NOTCH4: variants seen among roughly 807,000 people sequenced by gnomAD.
NOTCH4 encodes the protein notch receptor 4.
Under a neutral mutation model 189.0 loss-of-function variants are expected in NOTCH4, and 138 were observed. The ratio of observed to expected loss-of-function variants is 0.73; its 90% CI spans 0.64 to 0.84. The LOEUF is 0.84. Ranked by LOEUF, NOTCH4 falls within the 40% of genes least tolerant of loss-of-function variation. NOTCH4 has a pLI of 0.00. For missense variants in NOTCH4, 2,286 were observed against 2,605.4 expected (o/e 0.88, Z 2.67); for synonymous variants, 942 against 1,032.8 (o/e 0.91, Z 1.69).
Position 32,220,467 on chromosome 6 carries a change from G to C in NOTCH4, c.1097C>G (p.Pro366Arg), listed in dbSNP as rs996553122. ...CACCCGGTCAATGCAGGTGGATCCC[G>C]GGGCACAGGTGGCAGCAATACAGTC... ...LDDCIAATCA[P>R]GSTCIDRVGS... is the part of the protein sequence containing the mutation. The change falls in exon 6 of 30, where the codon CCG becomes CGG. Residue 366 changes from proline to arginine, a missense_variant. This residue lies in a region of NOTCH4 where 1,903 missense variants were observed against 2,261.9 expected (regional missense o/e 0.84). Transcript: ENST00000375023. 10 of 1,613,858 alleles carry C rather than the reference G, an allele frequency of 6.2e-6. No homozygotes were observed. Among genetic ancestry groups the C allele is most frequent in the Non-Finnish European group, 8.5e-6 (10 of 1,180,014 alleles).
Position 32,201,487 on chromosome 6 carries a change from G to C in NOTCH4, c.3769C>G (p.Gln1257Glu). 6.7e-7 allele frequency: 1 copy of C among 1,500,334 alleles called. No individual in the cohort carries two copies. 92.9% of individuals were successfully genotyped at this position (1,500,334 alleles called of 1,614,324 possible). Residue 1257 changes from glutamine to glutamate, a missense_variant, in exon 22 of 30, where the codon CAG becomes GAG. Transcript: ENST00000375023. The surrounding 1 kb of genome is among the most constrained non-coding windows in gnomAD (Gnocchi z 5.5). ...TTGTGGAAGTGATCATGGCAGTACT[G>C]GTCATAGGCTGGACTGTGGGGTAAG... ...TPPACTPAYDQYCHDHFHNGH... is the reference protein window; with the variant it reads ...TPPACTPAYDEYCHDHFHNGH...
chr6:32,218,127 T>A lies in NOTCH4; in HGVS notation c.1511-19A>T. 6.6e-7 allele frequency: 1 copy of A among 1,516,138 alleles called. No individual in the cohort carries two copies. The highest frequency in any genetic ancestry group is 1.8e-5 in the Admixed American group (1 of 56,678). The allele number at this position is 1,516,138 out of a possible 1,614,324, so 93.9% of individuals were successfully genotyped here. On this transcript the variant is annotated intron_variant, in intron 8 of 29. Transcript: ENST00000375023. ...TCTAAGCCTGGGGACATGGGGACCATGAGGGCTGTGGCTCAGCCAGGTCTG... is the reference window on the plus strand; with the variant it reads ...TCTAAGCCTGGGGACATGGGGACCAAGAGGGCTGTGGCTCAGCCAGGTCTG...
At chr6:32,205,732 A>G (rs1485482566) in intron 18 of NOTCH4, among the ~76,000 whole-genome samples, 1 of 151,626 alleles carries the variant, frequency 6.6e-6, no homozygotes, top group African/African-American at 2.4e-5. Context: ...CCTTCTATCA[A>G]AAGTTGTGGT....
At position 32,195,725 on chromosome 6, in the gene NOTCH4, GCCT is replaced by G. The variant is rs1787835220; in HGVS notation, c.5721_5723del (p.Gly1908del). ...AAAACCTACGGCCGCGAGGGGTCGG[GCCT>G]CCTCCTGCTCCTACTCCCGAGAGGC... On this transcript the variant is annotated inframe_deletion, in exon 30 of 30. Coordinates refer to ENST00000375023, the MANE Select transcript of NOTCH4 (RefSeq NM_004557.4). This position sits in a 1 kb window ranked among gnomAD's most constrained non-coding sequence, Gnocchi z 5.4. 2 of 1,612,556 alleles carry G rather than the reference GCCT, an allele frequency of 1.2e-6. No homozygotes were observed. Among genetic ancestry groups the G allele is most frequent in the East Asian group, 2.2e-5 (1 of 44,888 alleles).
Position 32,210,657 on chromosome 6 carries a change from G to T in NOTCH4, c.2865+95C>A. On this transcript the variant is annotated intron_variant, in intron 18 of 29. Coordinates refer to ENST00000375023, the MANE Select transcript of NOTCH4 (RefSeq NM_004557.4). This position sits in a 1 kb window ranked among gnomAD's most constrained non-coding sequence, Gnocchi z 4.8. The stretch of plus-strand genomic sequence containing the variant: ...GGGGTTAAAAAAAATAAAAGGAGGT[G>T]AAATGGATACATTGGGTCTTCCCTC... 8.1e-7 allele frequency: 1 copy of T among 1,233,360 alleles called. No homozygotes were observed. Among genetic ancestry groups the T allele is most frequent in the Non-Finnish European group, 1.2e-6 (1 of 851,730 alleles). 76.4% of individuals were successfully genotyped at this position (1,233,360 alleles called of 1,614,324 possible). A position where few individuals can be genotyped will look rare whatever the true frequency, so the allele number is the denominator to read the frequency against.
Position 32,200,600 on chromosome 6 carries a change from G to A in NOTCH4, c.4315+231C>T, listed in dbSNP as rs998382211. ...GAAGATAAACCATCCCTTTGTTGGA[G>A]GGCTATGACAGAGGTTAGGATAATG... On this transcript the variant is annotated intron_variant, in intron 23 of 29. Transcript: ENST00000375023. This position sits in a 1 kb window ranked among gnomAD's most constrained non-coding sequence, Gnocchi z 5.0. 3.9e-4 allele frequency among the ~76,000 whole-genome samples: 59 copies of A among 152,204 alleles called. No individual in the cohort carries two copies. The highest frequency in any genetic ancestry group is 1.4e-3 in the African/African-American group (57 of 41,448).
In NOTCH4 at chr6:32,224,009, C is replaced by T. The variant is rs1019778214; in HGVS notation, c.-81G>A. ...AGAGCTCTCACTGGGGCAGGAGCCA[C>T]CTCCTCTGCTCCCACTGCCCCTCTT... is the stretch of plus-strand genomic sequence containing the variant. On this transcript the variant is annotated 5_prime_UTR_variant, in exon 1 of 30. In the 5' UTR this introduces an upstream ATG that the reference lacks. Transcript: ENST00000375023. 5 of 1,395,996 alleles carry T rather than the reference C, an allele frequency of 3.6e-6. No individual in the cohort carries two copies. The African/African-American group carries it at 5.8e-5, about 16-fold the overall frequency. 86.5% of individuals were successfully genotyped at this position (1,395,996 alleles called of 1,614,324 possible). A position where few individuals can be genotyped will look rare whatever the true frequency, so the allele number is the denominator to read the frequency against.
In NOTCH4 at chr6:32,201,692, C is replaced by T; in HGVS notation, c.3756-192G>A. 1 of 471,382 alleles carries T rather than the reference C, an allele frequency of 2.1e-6. No individual in the cohort carries two copies. The highest frequency in any genetic ancestry group is 3.6e-6 in the Non-Finnish European group (1 of 278,908). The allele number at this position is 471,382 out of a possible 1,614,324, so 29.2% of individuals were successfully genotyped here. A position where few individuals can be genotyped will look rare whatever the true frequency, so the allele number is the denominator to read the frequency against. ...CCAATGTCTGCTAACACCCCTGTCT[C>T]CCTAGACTGTCCCCTCTCTGTACCC... On this transcript the variant is annotated intron_variant, in intron 21 of 29. Coordinates refer to ENST00000375023, the MANE Select transcript of NOTCH4 (RefSeq NM_004557.4). The surrounding 1 kb of genome is among the most constrained non-coding windows in gnomAD (Gnocchi z 5.5).
At position 32,196,135 on chromosome 6, in the gene NOTCH4, A is replaced by G; in HGVS notation, c.5314T>C (p.Phe1772Leu). 6.3e-7 allele frequency: 1 copy of G among 1,590,442 alleles called. No individual in the cohort carries two copies. The highest frequency in any genetic ancestry group is 8.5e-7 in the Non-Finnish European group (1 of 1,175,026). The change falls in exon 30 of 30, where the codon TTC (phenylalanine) becomes CTC (leucine). Residue 1772 changes from phenylalanine to leucine, a missense_variant. Physicochemically the swap from Phe to Leu is conservative, Grantham distance 22. Transcript: ENST00000375023. ...ACCGCTCCTTCCCGCGCCGCCAGGA[A>G]TAGCGGCGTCTGCTCCTGTACAGAA... Reference protein sequence around the residue: ...AQDNREQTPLFLAAREGAVEV... With the variant: ...AQDNREQTPLLLAAREGAVEV...
At chr6:32,216,701 C>T (rs1393368655) in intron 11 of NOTCH4, 1 of 601,974 alleles carries the variant, frequency 1.7e-6, no homozygotes, top group Non-Finnish European at 3.0e-6. Flanking sequence ...TTCTTTGAGC[C>T]CCGTCCTCTG....
chr6:32,211,271 C>CAAACAA lies in NOTCH4; in HGVS notation c.2681-341_2681-336dup, dbSNP rs371171973. ...CAAGACTCCATCTCAAACAAACAAA[C>CAAACAA]AAACAAACAAACAAACAGAAACGGT... is the stretch of plus-strand genomic sequence containing the variant. On this transcript the variant is annotated intron_variant, in intron 17 of 29. Coordinates refer to ENST00000375023, the MANE Select transcript of NOTCH4 (RefSeq NM_004557.4). Among the ~76,000 whole-genome samples the CAAACAA allele has an allele frequency of 2.2e-3, 324 of 147,098 alleles. 12 individuals carry two copies. In the East Asian group the frequency reaches 0.059, roughly 27 times the overall value.
At chr6:32,207,633 C>A (rs953930810) in intron 18 of NOTCH4, among the ~76,000 whole-genome samples, 3 of 149,320 alleles carry the variant, frequency 2.0e-5, no homozygotes, top group African/African-American at 4.9e-5. Flanking sequence ...CTCTATCCCC[C>A]CCCCCCAAAA....
chr6:32,223,495 C>T (rs1280024935), intron 1 of NOTCH4, among the ~76,000 whole-genome samples: 1 of 152,028 alleles, frequency 6.6e-6, no homozygotes, highest in Non-Finnish European at 1.5e-5. Context: ...GTAGGCCTGA[C>T]CTTTCATGTC....
chr6:32,196,788 C>A, intron 28 of NOTCH4, 137 bp downstream of exon 28: 10 of 1,163,392 alleles, frequency 8.6e-6, no homozygotes, highest in Non-Finnish European at 1.2e-5. Flanking sequence ...GCCCGTACTT[C>A]CACCGCATCT....
At chr6:32,220,338 G>A (rs2127486751) in intron 6 of NOTCH4, 54 bp from the exon 7 acceptor site, 1 of 1,610,530 alleles carries the variant, frequency 6.2e-7, no homozygotes, top group Non-Finnish European at 8.5e-7. Context: ...GCTCCTAGCA[G>A]TCCTCCTGGT....
Position 32,212,032 on chromosome 6 carries a change from C to T in NOTCH4, c.2680+442G>A, listed in dbSNP as rs1202260196. Among the ~76,000 whole-genome samples, 3 of 152,114 alleles carry T rather than the reference C, an allele frequency of 2.0e-5. No homozygotes were observed. The highest frequency in any genetic ancestry group is 1.9e-4 in the East Asian group (1 of 5,196). On this transcript the variant is annotated intron_variant, in intron 17 of 29. Transcript: ENST00000375023. The surrounding 1 kb of genome is among the most constrained non-coding windows in gnomAD (Gnocchi z 4.4). ...CTTAACTCCATCATAATCTCTTTCC[C>T]GAGCTCTTCTCATATCAAACCTTAT...
rs1447721494 is a variant in NOTCH4 at position 32,196,032 on chromosome 6, A to T, written c.5417T>A (p.Val1806Asp). 1 of 1,595,886 alleles carries T rather than the reference A, an allele frequency of 6.3e-7. No homozygotes were observed. Among genetic ancestry groups the T allele is most frequent in the African/African-American group, 1.3e-5 (1 of 74,794 alleles). Reference protein sequence around the residue: ...RDQAGLAPADVAHQRNHWDLL... With the variant: ...RDQAGLAPADDAHQRNHWDLL... ...ATCCCAGTGGTTACGTTGGTGAGCG[A>T]CGTCCGCCGGCGCTAGCCCAGCCTG... is the stretch of plus-strand genomic sequence containing the variant. Residue 1806 changes from valine (V) to aspartate (D), a missense_variant, in exon 30 of 30, where the codon GTC becomes GAC. By Grantham distance (152) the Val-to-Asp change is radical. Transcript: ENST00000375023.
At chr6:32,211,185 G>C (rs1318249066) in intron 17 of NOTCH4, among the ~76,000 whole-genome samples, 1 of 149,464 alleles carries the variant, frequency 6.7e-6, no homozygotes, top group Non-Finnish European at 1.5e-5. Flanking sequence ...ACTTGAACCT[G>C]GGCAGCGCAG....
rs748082188 is a variant in NOTCH4 at position 32,215,352 on chromosome 6, T to A, written c.1895A>T (p.Asn632Ile). Residue 632 changes from asparagine (N) to isoleucine (I), a missense_variant, in exon 12 of 30, where the codon AAC becomes ATC. By Grantham distance (149) the Asn-to-Ile change is moderately radical (BLOSUM62 -3). Coordinates refer to ENST00000375023, the MANE Select transcript of NOTCH4 (RefSeq NM_004557.4). ...ACATATCTGCTTGGGCTGGCACAGG[T>A]TGGGAGCACACAGGGGAACCTCACA... ...QLCEVPLCAP[N>I]LCQPKQICKD... 5.6e-6 allele frequency: 9 copies of A among 1,610,922 alleles called. No individual in the cohort carries two copies. The Admixed American group carries it at 8.4e-5, about 15-fold the overall frequency.
Sources: allele counts gnomAD v4.1 joint callset (sites outside exome capture counted in the v4.1 genomes callset), GRCh38; gene constraint gnomAD v4.1.1; regional missense constraint gnomAD v4.1.1; non-coding constraint Gnocchi (gnomAD v3.1); transcripts MANE v1.5; gene names NCBI Gene and HGNC (gene_info 2026-07-23, HGNC 2026-07-21).